TRAF5: variants seen among roughly 807,000 people sequenced by gnomAD.
TRAF5 encodes the protein TNF receptor associated factor 5.
TRAF5 carries 48 observed loss-of-function variants against 64.5 expected under a neutral mutation model. The ratio of observed to expected loss-of-function variants is 0.74; its 90% confidence interval spans 0.59 to 0.95. The LOEUF is 0.95. Ranked by LOEUF, TRAF5 falls within the 40% of genes least tolerant of loss-of-function variation. The pLI, the probability that TRAF5 is intolerant of heterozygous loss-of-function variation, is 0.00. For synonymous variants in TRAF5, 206 were observed against 240.5 expected, an observed-to-expected ratio of 0.86 and a Z score of 1.33; for missense variants, 545 against 662.8, an observed-to-expected ratio of 0.82 and a Z score of 1.95.
chr1:211,365,525 T>A (rs1432297386), intron 8 of TRAF5, 57 bp downstream of exon 8: 12 of 1,320,374 alleles, frequency 9.1e-6, no homozygotes, highest in Non-Finnish European at 1.3e-5. Flanking sequence ...GGGATTTACC[T>A]GCTCTATGCT....
chr1:211,370,974 A>T (rs1295515931), intron 9 of TRAF5, among the ~76,000 whole-genome samples: 1 of 152,142 alleles, frequency 6.6e-6, no homozygotes, highest in East Asian at 1.9e-4. Context: ...GAAAGAAGTG[A>T]TAGGGCAAGA....
At chr1:211,337,210 G>A (rs1338161901) in intron 1 of TRAF5, among the ~76,000 whole-genome samples, 1 of 152,236 alleles carries the variant, frequency 6.6e-6, no homozygotes, top group Non-Finnish European at 1.5e-5. Flanking sequence ...TGCCAGGGAT[G>A]TTGCATTTTC....
At chr1:211,345,477 G>C (rs1702578278) in intron 1 of TRAF5, among the ~76,000 whole-genome samples, 1 of 152,052 alleles carries the variant, frequency 6.6e-6, no homozygotes, top group South Asian at 2.1e-4. Flanking sequence ...CCTAGCAGGA[G>C]AGCATCTGGA....
chr1:211,350,969 C>A (rs1286984960), intron 1 of TRAF5, among the ~76,000 whole-genome samples: 1 of 151,858 alleles, frequency 6.6e-6, no homozygotes, highest in African/African-American at 2.4e-5. Flanking sequence ...CCTCAGCCTC[C>A]TGAGTAGCTG....
intron 7 of TRAF5, among the ~76,000 whole-genome samples, chr1:211,361,692 G>GTT (rs71134676): frequency 2.3e-3 from 170 of 75,296 alleles, no homozygotes; most frequent in Non-Finnish European, 2.6e-3. Context: ...AATTATTCGG[G>GTT]TTTTTTTTTT....
chr1:211,362,892 C>T (rs1337514244), intron 7 of TRAF5, among the ~76,000 whole-genome samples: 1 of 151,954 alleles, frequency 6.6e-6, no homozygotes, highest in Non-Finnish European at 1.5e-5. Flanking sequence ...GGCTATTTTC[C>T]TTAATATACA....
intron 10 of TRAF5, 48 bp downstream of exon 10, chr1:211,371,518 G>A (rs755292890): frequency 6.3e-7 from 1 of 1,576,420 alleles, no homozygotes; most frequent in South Asian, 1.2e-5. Flanking sequence ...TTGTCTGCAT[G>A]TGTTCATGAA....
At chr1:211,344,088 TGAG>T (rs1572063026) in intron 1 of TRAF5, among the ~76,000 whole-genome samples, 5 of 152,212 alleles carry the variant, frequency 3.3e-5, no homozygotes, top group Admixed American at 2.0e-4. Flanking sequence ...TACATGGTTC[TGAG>T]GAGAAGAGTT....
chr1:211,340,134 G>A (rs1354177670), intron 1 of TRAF5, among the ~76,000 whole-genome samples: 4 of 152,192 alleles, frequency 2.6e-5, no homozygotes, highest in African/African-American at 9.7e-5. Context: ...CATGGAGGGT[G>A]GGGCTGGGCA....
At chr1:211,344,233 C>T (rs1702526524) in intron 1 of TRAF5, among the ~76,000 whole-genome samples, 1 of 152,224 alleles carries the variant, frequency 6.6e-6, no homozygotes, top group South Asian at 2.1e-4. Flanking sequence ...CATCTACTCA[C>T]TGTCAGTGCT....
In TRAF5 at chr1:211,344,340, ATTGT is replaced by A. The variant is rs529442968; in HGVS notation, c.-1-8894_-1-8891del. Among the ~76,000 whole-genome samples the A allele has an allele frequency of 1.2e-3, 187 of 152,292 alleles. 1 individual carries two copies. Among genetic ancestry groups the A allele is most frequent in the Non-Finnish European group, 2.1e-3 (142 of 68,020 alleles). ...AAGTAATTAAAATTATACTCACATC[ATTGT>A]TTGTCCTGTTCCCAAGACAACTTCC... On this transcript the variant is annotated intron_variant, in intron 1 of 10. Transcript: ENST00000261464.
chr1:211,330,516 C>T (rs779203929), intron 1 of TRAF5, among the ~76,000 whole-genome samples: 3 of 152,258 alleles, frequency 2.0e-5, no homozygotes, highest in African/African-American at 4.8e-5. Context: ...TTCTTCCCTC[C>T]CCCACAAGCT....
At chr1:211,369,615 A>G in intron 9 of TRAF5, 23 bp downstream of exon 9, 1 of 1,537,306 alleles carries the variant, frequency 6.5e-7, no homozygotes, top group Non-Finnish European at 8.7e-7. Context: ...CTTTGCGTTG[A>G]AAGCCAAGAT....
At chr1:211,338,992 G>T (rs113792464) in intron 1 of TRAF5, among the ~76,000 whole-genome samples, 1 of 152,166 alleles carries the variant, frequency 6.6e-6, no homozygotes, top group Admixed American at 6.5e-5. Flanking sequence ...ACCAGTAAGC[G>T]GTACTGCCTG....
chr1:211,356,419 G>A lies in TRAF5; in HGVS notation c.329G>A (p.Cys110Tyr), dbSNP rs1558141977. ...GAAGTCCTCAACTTATATGTATATT[G>A]CAGCAATGCTCCTGGATGTAATGCC... ...KREVLNLYVY[C>Y]SNAPGCNAKV... Residue 110 changes from cysteine (C) to tyrosine (Y), a missense_variant, in exon 4 of 11, where the codon TGC becomes TAC. Physicochemically the swap from Cys to Tyr is radical, Grantham distance 194. Coordinates refer to ENST00000261464, the MANE Select transcript of TRAF5 (RefSeq NM_001033910.3). The A allele has an allele frequency of 2.5e-6, 4 of 1,614,136 alleles. No individual in the cohort carries two copies. The highest frequency in any genetic ancestry group is 3.4e-6 in the Non-Finnish European group (4 of 1,179,986).
intron 1 of TRAF5, among the ~76,000 whole-genome samples, chr1:211,351,568 A>G (rs1475149822): frequency 2.0e-5 from 3 of 151,874 alleles, no homozygotes; most frequent in African/African-American, 4.8e-5. Flanking sequence ...ATTTTATCCT[A>G]TGTTATCTAG....
At chr1:211,350,200 G>C (rs1031882622) in intron 1 of TRAF5, among the ~76,000 whole-genome samples, 1 of 151,022 alleles carries the variant, frequency 6.6e-6, no homozygotes, top group African/African-American at 2.4e-5. Context: ...CAAACCCCAG[G>C]CTTTTTTTTT....
intron 7 of TRAF5, among the ~76,000 whole-genome samples, chr1:211,361,405 C>T (rs575960170): frequency 6.6e-6 from 1 of 152,266 alleles, no homozygotes; most frequent in Admixed American, 6.5e-5. Context: ...ATCTGCAGGG[C>T]AGCTCAGCAA....
chr1:211,372,915 T>G lies in TRAF5; in HGVS notation c.*213T>G. ...ACTTAAAACTCTTAGAATATTCTCT[T>G]ATTATTTATATTTTTATATTTCTTG... On this transcript the variant is annotated 3_prime_UTR_variant, in exon 11 of 11. Transcript: ENST00000261464. 1 of 421,944 alleles carries G rather than the reference T, an allele frequency of 2.4e-6. No individual in the cohort carries two copies. Among genetic ancestry groups the G allele is most frequent in the Non-Finnish European group, 4.1e-6 (1 of 241,876 alleles). The allele number at this position is 421,944 out of a possible 1,614,324, so 26.1% of individuals were successfully genotyped here.
Sources: gnomAD v4.1 joint callset for allele counts (sites outside exome capture counted in the v4.1 genomes callset) on GRCh38, gnomAD v4.1.1 for gene constraint, MANE v1.5 for transcripts, NCBI Gene and HGNC (gene_info 2026-07-23, HGNC 2026-07-21) for gene names.